The following PIP4K2A variants were observed in gnomAD, a reference collection of about 807,000 sequenced individuals.
The protein encoded by PIP4K2A is phosphatidylinositol-5-phosphate 4-kinase type 2 alpha.
A neutral mutation model predicts 42.9 loss-of-function variants in PIP4K2A; 14 were observed. The observed-to-expected ratio is 0.33, with a 90% CI of 0.22 to 0.51. The LOEUF (loss-of-function observed/expected upper bound fraction) is 0.51. Ranked by LOEUF, PIP4K2A falls within the 20% of genes least tolerant of loss-of-function variation. The pLI, the probability that PIP4K2A is intolerant of heterozygous loss-of-function variation, is 0.97. For missense variants in PIP4K2A, 434 were observed against 519.8 expected, an observed-to-expected ratio of 0.83 and a Z score of 1.61; for synonymous variants, 192 against 192.2, an observed-to-expected ratio of 1.00 and a Z score of 0.01.
At chr10:22,712,012 C>T (rs1171385571) in intron 1 of PIP4K2A, among the ~76,000 whole-genome samples, 1 of 152,198 alleles carries the variant, frequency 6.6e-6, no homozygotes, top group Non-Finnish European at 1.5e-5. Flanking sequence ...AGCAATTCTT[C>T]CCACAGTAGC....
intron 6 of PIP4K2A, among the ~76,000 whole-genome samples, chr10:22,566,591 G>A (rs1037158269): frequency 1.4e-4 from 22 of 151,964 alleles, no homozygotes; most frequent in African/African-American, 4.4e-4. Flanking sequence ...CATCTTCTCC[G>A]GGCTACTTCA....
chr10:22,540,024 G>A lies in PIP4K2A; in HGVS notation c.1087C>T (p.His363Tyr), dbSNP rs1428641261. ...YFMAIIDILT[H>Y]YDAKKKAAHA... ...GCAGCTTTCTTTTTTGCATCATAAT[G>A]AGTAAGGATGTCAATAATTGCCATG... is the stretch of plus-strand genomic sequence containing the variant. Residue 363 changes from histidine to tyrosine, a missense_variant, in exon 9 of 10, where the codon CAT (histidine) becomes TAT (tyrosine). His to Tyr is a moderately conservative substitution (Grantham distance 83). Around this residue, in one of 2 missense-constraint regions of PIP4K2A, gnomAD observed 39 missense variants for 75.3 expected, o/e 0.52. Coordinates refer to ENST00000376573, the MANE Select transcript of PIP4K2A (RefSeq NM_005028.5). 6.2e-7 allele frequency: 1 copy of A among 1,613,010 alleles called. No homozygotes were observed. Among genetic ancestry groups the A allele is most frequent in the Admixed American group, 1.7e-5 (1 of 60,008 alleles).
chr10:22,588,714 G>A (rs772595491), intron 4 of PIP4K2A, among the ~76,000 whole-genome samples: 2 of 152,112 alleles, frequency 1.3e-5, no homozygotes, highest in Non-Finnish European at 2.9e-5. Context: ...AACAGGTTAG[G>A]ATCTATGTCT....
At chr10:22,690,586 T>C (rs1839848211) in intron 1 of PIP4K2A, among the ~76,000 whole-genome samples, 1 of 152,184 alleles carries the variant, frequency 6.6e-6, no homozygotes. Flanking sequence ...ATATGTGCTC[T>C]TTTCTTCAAA....
At chr10:22,635,550 G>A (rs190222196) in intron 1 of PIP4K2A, among the ~76,000 whole-genome samples, 6 of 152,308 alleles carry the variant, frequency 3.9e-5, no homozygotes, top group African/African-American at 1.4e-4. Flanking sequence ...CCCTGAAGGA[G>A]GGAAAACACT....
At chr10:22,704,134 T>G (rs564091917) in intron 1 of PIP4K2A, among the ~76,000 whole-genome samples, 1 of 152,054 alleles carries the variant, frequency 6.6e-6, no homozygotes, top group Non-Finnish European at 1.5e-5. Context: ...TAAAATGGTA[T>G]AAAAAGCCAT....
intron 1 of PIP4K2A, among the ~76,000 whole-genome samples, chr10:22,690,610 A>G (rs576615741): frequency 8.5e-5 from 13 of 152,278 alleles, no homozygotes; most frequent in African/African-American, 2.2e-4. Flanking sequence ...CACAAATACC[A>G]AAGAAGGGGA....
At chr10:22,655,743 T>C (rs1471253851) in intron 1 of PIP4K2A, among the ~76,000 whole-genome samples, 6 of 152,216 alleles carry the variant, frequency 3.9e-5, no homozygotes, top group Admixed American at 3.9e-4. Context: ...CATTCCGACA[T>C]GCATCTGTAC....
intron 7 of PIP4K2A, among the ~76,000 whole-genome samples, chr10:22,545,173 CCCCAACCTGCTT>C (rs1325017831): frequency 5.3e-5 from 8 of 152,222 alleles, no homozygotes; most frequent in Non-Finnish European, 1.0e-4. Context: ...CCCTAATTCT[CCCCAACCTGCTT>C]CCAGCAGGAA....
At chr10:22,671,128 A>T (rs1298926213) in intron 1 of PIP4K2A, among the ~76,000 whole-genome samples, 1 of 152,184 alleles carries the variant, frequency 6.6e-6, no homozygotes, top group East Asian at 1.9e-4. Flanking sequence ...CATATAATTC[A>T]CACACCCACG....
intron 1 of PIP4K2A, among the ~76,000 whole-genome samples, chr10:22,654,090 G>A (rs1259666104): frequency 6.6e-6 from 1 of 152,156 alleles, no homozygotes; most frequent in Non-Finnish European, 1.5e-5. Context: ...AGGAAACCCT[G>A]CAGTGAGGGG....
At chr10:22,563,962 A>G (rs940302264) in intron 6 of PIP4K2A, among the ~76,000 whole-genome samples, 5 of 152,196 alleles carry the variant, frequency 3.3e-5, no homozygotes, top group African/African-American at 1.2e-4. Flanking sequence ...CTACGTGTTC[A>G]TATTAGATAC....
chr10:22,577,467 C>T (rs1487144081), intron 4 of PIP4K2A, among the ~76,000 whole-genome samples: 4 of 152,168 alleles, frequency 2.6e-5, no homozygotes, highest in Non-Finnish European at 4.4e-5. Flanking sequence ...CCTTGCCTCT[C>T]GCCAAGCCAT....
rs71395811 is a variant in PIP4K2A, at chr10:22,664,218, C to CAT, written c.144+49963_144+49964dup. ...ATATATATATACATATATATATATA[C>CAT]ATATATATATACACACACACACACA... On this transcript the variant is annotated intron_variant, in intron 1 of 9. Transcript: ENST00000376573. Among the ~76,000 whole-genome samples, 218 of 26,132 alleles carry CAT rather than the reference C, an allele frequency of 8.3e-3. 5 individuals carry two copies. The highest frequency in any genetic ancestry group is 0.012 in the Non-Finnish European group (165 of 14,030). 17.1% of individuals were successfully genotyped at this position (26,132 alleles called of 152,430 possible). A position where few individuals can be genotyped will look rare whatever the true frequency, so the allele number is the denominator to read the frequency against.
chr10:22,544,856 CTTCCTCCTG>C (rs945755990), intron 7 of PIP4K2A, among the ~76,000 whole-genome samples: 25 of 152,228 alleles, frequency 1.6e-4, no homozygotes, highest in African/African-American at 5.8e-4. Context: ...GGGGCAGGTA[CTTCCTCCTG>C]TGCCTTCAGG....
At chr10:22,548,653 C>T (rs926375690) in intron 7 of PIP4K2A, among the ~76,000 whole-genome samples, 2 of 152,096 alleles carry the variant, frequency 1.3e-5, no homozygotes, top group Non-Finnish European at 2.9e-5. Context: ...TATTAGTAAC[C>T]ACTCACAACT....
In PIP4K2A at chr10:22,540,069, G is replaced by T; in HGVS notation, c.1042C>A (p.Pro348Thr). The T allele has an allele frequency of 6.3e-7, 1 of 1,592,108 alleles. No individual in the cohort carries two copies. The highest frequency in any genetic ancestry group is 1.1e-5 in the South Asian group (1 of 90,682). ...VYGIKCHENS[P>T]RKEVYFMAII... The stretch of plus-strand genomic sequence containing the variant: ...GCCATGAAGTACACCTCCTTCCTAG[G>T]CGAGTCTGCAGAGACAGGAGAGCAA... Residue 348 changes from proline to threonine, a missense_variant, in exon 9 of 10, where the codon CCT becomes ACT. By Grantham distance (38) the Pro-to-Thr change is conservative (BLOSUM62 -1). Around this residue, in one of 2 missense-constraint regions of PIP4K2A, gnomAD observed 395 missense variants for 444.5 expected, o/e 0.89. Coordinates refer to ENST00000376573, the MANE Select transcript of PIP4K2A (RefSeq NM_005028.5).
Position 22,541,776 on chromosome 10 carries a change from A to C in PIP4K2A, c.1036+28T>G, listed in dbSNP as rs533256481. The C allele has an allele frequency of 2.5e-4, 381 of 1,507,028 alleles. 1 individual carries two copies. The South Asian group carries it at 4.8e-3, about 19-fold the overall frequency. 93.4% of individuals were successfully genotyped at this position (1,507,028 alleles called of 1,614,324 possible). A position where few individuals can be genotyped will look rare whatever the true frequency, so the allele number is the denominator to read the frequency against. ...GCCAAAGTCAAACCACTTCACATGC[A>C]AAAAGGGTCCACAGTAATCAAACTT... On this transcript the variant is annotated intron_variant, in intron 8 of 9. Coordinates refer to ENST00000376573, the MANE Select transcript of PIP4K2A (RefSeq NM_005028.5).
chr10:22,568,866 G>A lies in PIP4K2A; in HGVS notation c.640-977C>T, dbSNP rs1588631566. ...ATAAATGGCTGGAGAAGAATCACAGGCCAATTTCCTGGGCTCCCTTCCCCT... is the reference window on the plus strand; with the variant it reads ...ATAAATGGCTGGAGAAGAATCACAGACCAATTTCCTGGGCTCCCTTCCCCT... On this transcript the variant is annotated intron_variant, in intron 5 of 9. Transcript: ENST00000376573. 1.0e-4 allele frequency: 62 copies of A among 611,962 alleles called. No individual in the cohort carries two copies. The East Asian group carries it at 1.7e-3, about 17-fold the overall frequency. 37.9% of individuals were successfully genotyped at this position (611,962 alleles called of 1,614,324 possible). A position where few individuals can be genotyped will look rare whatever the true frequency, so the allele number is the denominator to read the frequency against.
Sources: allele counts gnomAD v4.1 joint callset (sites outside exome capture counted in the v4.1 genomes callset), GRCh38; gene constraint gnomAD v4.1.1; regional missense constraint gnomAD v4.1.1; transcripts MANE v1.5; gene names NCBI Gene and HGNC (gene_info 2026-07-23, HGNC 2026-07-21).